The following CPQ variants were observed in gnomAD, a reference collection of about 807,000 sequenced individuals.
The protein encoded by CPQ is Ser-Met dipeptidase.
A neutral mutation model predicts 45.7 loss-of-function variants in CPQ; 37 were observed. The ratio of observed to expected loss-of-function variants is 0.81; its 90% CI spans 0.62 to 1.07. The LOEUF is 1.07. Ranked by LOEUF, CPQ falls within the 50% of genes least tolerant of loss-of-function variation. CPQ has a pLI of 0.00. For missense variants in CPQ, 537 were observed against 572.9 expected, an observed-to-expected ratio of 0.94 and a Z score of 0.64; for synonymous variants, 186 against 205.8, an observed-to-expected ratio of 0.90 and a Z score of 0.82.
chr8:96,807,649 C>T (rs1811102448), intron 2 of CPQ, among the ~76,000 whole-genome samples: 1 of 152,214 alleles, frequency 6.6e-6, no homozygotes, highest in Non-Finnish European at 1.5e-5. Context: ...CCTTTCACTA[C>T]ACTATGTATA....
chr8:96,753,520 A>G lies in CPQ; in HGVS notation c.-34-31344A>G, dbSNP rs1331296096. ...TTTCCATTTGTTTAAGTTTTCTTCT[A>G]TCTTGCATCCCTCAAGGTTTTACTT... On this transcript the variant is annotated intron_variant, in intron 1 of 7. Coordinates refer to ENST00000220763, the MANE Select transcript of CPQ (RefSeq NM_016134.4). Among the ~76,000 whole-genome samples, 3 of 139,406 alleles carry G rather than the reference A, an allele frequency of 2.2e-5. No individual in the cohort carries two copies. The East Asian group carries it at 5.8e-4, about 27-fold the overall frequency. The allele number at this position is 139,406 out of a possible 152,430, so 91.5% of individuals were successfully genotyped here.
chr8:97,112,481 G>A (rs1362760709), intron 7 of CPQ, among the ~76,000 whole-genome samples: 1 of 152,204 alleles, frequency 6.6e-6, no homozygotes. Flanking sequence ...GGGGCACCCA[G>A]CAACTGAGAG....
At chr8:96,748,624 T>A (rs1810220519) in intron 1 of CPQ, among the ~76,000 whole-genome samples, 1 of 152,148 alleles carries the variant, frequency 6.6e-6, no homozygotes, top group South Asian at 2.1e-4. Flanking sequence ...TAATATATTT[T>A]CTATCTTTTT....
At chr8:96,803,684 C>T (rs1207825669) in intron 2 of CPQ, among the ~76,000 whole-genome samples, 1 of 152,152 alleles carries the variant, frequency 6.6e-6, no homozygotes, top group Non-Finnish European at 1.5e-5. Flanking sequence ...TAACAATGGA[C>T]CAGTGTAGTC....
At chr8:96,870,979 CAA>C (rs746512129) in intron 3 of CPQ, among the ~76,000 whole-genome samples, 3 of 151,960 alleles carry the variant, frequency 2.0e-5, no homozygotes, top group Non-Finnish European at 2.9e-5. Flanking sequence ...AATTTTAAAT[CAA>C]AAGTCATCCA....
At chr8:97,102,454 A>C (rs1191500985) in intron 7 of CPQ, among the ~76,000 whole-genome samples, 2 of 152,166 alleles carry the variant, frequency 1.3e-5, no homozygotes, top group Non-Finnish European at 2.9e-5. Flanking sequence ...GCTATTCAAC[A>C]GGCAATTGAA....
intron 1 of CPQ, among the ~76,000 whole-genome samples, chr8:96,683,033 T>C (rs1809171531): frequency 6.6e-6 from 1 of 152,230 alleles, no homozygotes. Flanking sequence ...TCTTCCTTTT[T>C]TATTTTTTAT....
chr8:97,143,141 T>C lies in CPQ; in HGVS notation c.1377T>C (p.Ser459=), dbSNP rs774407292. Residue 459 remains serine, a synonymous_variant, in exon 8 of 8, where the codon TCT becomes TCC. Coordinates refer to ENST00000220763, the MANE Select transcript of CPQ (RefSeq NM_016134.4). ...NVAAAVWAVV[S]YVVADMEEML... is the part of the protein sequence containing the mutation. ...CTGCTGCTGTTTGGGCTGTTGTTTC[T>C]TATGTTGTTGCAGACATGGAAGAAA... 1 of 1,613,936 alleles carries C rather than the reference T, an allele frequency of 6.2e-7. No individual in the cohort carries two copies. The highest frequency in any genetic ancestry group is 1.3e-5 in the African/African-American group (1 of 74,926).
intron 7 of CPQ, among the ~76,000 whole-genome samples, chr8:97,108,807 A>G (rs984277961): frequency 5.9e-5 from 9 of 152,376 alleles, no homozygotes; most frequent in Middle Eastern, 6.8e-3. Context: ...GTGGTTAATT[A>G]TAGACAATAA....
intron 7 of CPQ, among the ~76,000 whole-genome samples, chr8:97,103,324 T>C (rs1417962496): frequency 6.6e-6 from 1 of 152,236 alleles, no homozygotes; most frequent in Non-Finnish European, 1.5e-5. Flanking sequence ...GTCTGCTTCA[T>C]AGTGCTATAA....
intron 1 of CPQ, among the ~76,000 whole-genome samples, chr8:96,670,342 G>A (rs1808986661): frequency 1.4e-5 from 2 of 138,170 alleles, no homozygotes; most frequent in Admixed American, 7.8e-5. Flanking sequence ...TTTTTTGGCT[G>A]TACTGCACTT....
chr8:96,700,429 T>C (rs1809442192), intron 1 of CPQ, among the ~76,000 whole-genome samples: 1 of 152,038 alleles, frequency 6.6e-6, no homozygotes, highest in South Asian at 2.1e-4. Context: ...GATACCCCAT[T>C]TGGTGAGAGG....
At chr8:96,713,074 C>T (rs984108928) in intron 1 of CPQ, among the ~76,000 whole-genome samples, 1 of 152,172 alleles carries the variant, frequency 6.6e-6, no homozygotes, top group African/African-American at 2.4e-5. Context: ...CACCATTACT[C>T]CAGTTCCCAA....
chr8:96,740,426 C>T (rs1211216486), intron 1 of CPQ, among the ~76,000 whole-genome samples: 1 of 151,976 alleles, frequency 6.6e-6, no homozygotes, highest in Non-Finnish European at 1.5e-5. Context: ...AATTTGACTT[C>T]CTCTTTTCCT....
chr8:96,687,890 G>A (rs1809253325), intron 1 of CPQ, among the ~76,000 whole-genome samples: 1 of 151,770 alleles, frequency 6.6e-6, no homozygotes, highest in African/African-American at 2.4e-5. Context: ...GTTTGCAAAT[G>A]GGCAGTTTTG....
In CPQ at chr8:96,879,968, C is replaced by T; in HGVS notation, c.812C>T (p.Thr271Ile). The change falls in exon 4 of 8, where the codon ACT becomes ATT. Residue 271 changes from threonine to isoleucine, a missense_variant. By Grantham distance (89) the Thr-to-Ile change is moderately conservative (BLOSUM62 -1). Transcript: ENST00000220763. ...KTYPDTDSFN[T>I]VAEITGSKYP... ...TACCCAGATACTGATTCCTTCAACA[C>T]TGTAGCAGAGATCACTGGGAGCAAA... The T allele has an allele frequency of 3.1e-6, 5 of 1,614,024 alleles. No individual in the cohort carries two copies. The highest frequency in any genetic ancestry group is 4.2e-6 in the Non-Finnish European group (5 of 1,179,920).
intron 5 of CPQ, among the ~76,000 whole-genome samples, chr8:97,026,938 C>T (rs2130465407): frequency 6.6e-6 from 1 of 152,164 alleles, no homozygotes; most frequent in Non-Finnish European, 1.5e-5. Flanking sequence ...CCTGTGCTGC[C>T]TGTTTATTCT....
chr8:96,809,335 T>G (rs1008223922), intron 2 of CPQ, among the ~76,000 whole-genome samples: 2 of 152,106 alleles, frequency 1.3e-5, no homozygotes, highest in Non-Finnish European at 2.9e-5. Context: ...TGGCAACAAT[T>G]TCTTATGTTG....
At chr8:96,854,530 C>CAAAAAAAAAAAAAAAAAAAAAAA (rs1156706371) in intron 3 of CPQ, among the ~76,000 whole-genome samples, 10 of 8,696 alleles carry the variant, frequency 1.1e-3, no homozygotes, top group South Asian at 3.0e-3. Context: ...GACTCCGTCT[C>CAAAAAAAAAAAAAAAAAAAAAAA]AAAAAAAAAA....
Sources: allele counts gnomAD v4.1 joint callset (sites outside exome capture counted in the v4.1 genomes callset), GRCh38; gene constraint gnomAD v4.1.1; transcripts MANE v1.5; gene names NCBI Gene and HGNC (gene_info 2026-07-23, HGNC 2026-07-21).